The following CDH11 variants were observed in gnomAD, a reference collection of about 807,000 sequenced individuals.
CDH11 encodes the protein cadherin-11.
CDH11 carries 11 observed loss-of-function variants against 67.8 expected under a neutral mutation model. The observed-to-expected ratio is 0.16, with a 90% confidence interval of 0.10 to 0.27. The LOEUF is 0.27. Ranked by LOEUF, CDH11 falls within the 10% of genes least tolerant of loss-of-function variation. The pLI, the probability that CDH11 is intolerant of heterozygous loss-of-function variation, is 1.00. For synonymous variants in CDH11, 419 were observed against 400.0 expected (o/e 1.05, Z -0.57); for missense variants, 847 against 1,031.2 (o/e 0.82, Z 2.45).
intron 4 of CDH11, among the ~76,000 whole-genome samples, chr16:64,998,196 T>A (rs2072823946): frequency 6.6e-6 from 1 of 152,202 alleles, no homozygotes; most frequent in Admixed American, 6.5e-5. Flanking sequence ...GGGTTTCCTA[T>A]CTGTGAAATA....
chr16:64,990,704 G>T (rs1457843858), intron 6 of CDH11, among the ~76,000 whole-genome samples: 3 of 152,128 alleles, frequency 2.0e-5, no homozygotes. Flanking sequence ...GATGGTAGTT[G>T]CTATAATTAC....
intron 1 of CDH11, among the ~76,000 whole-genome samples, chr16:65,075,169 T>C (rs2074487893): frequency 6.6e-6 from 1 of 152,268 alleles, no homozygotes. Flanking sequence ...TAGACTTGGA[T>C]AGGGAAAAAT....
chr16:65,092,609 C>T (rs1418916937), intron 1 of CDH11, among the ~76,000 whole-genome samples: 3 of 152,170 alleles, frequency 2.0e-5, no homozygotes, highest in Non-Finnish European at 4.4e-5. Flanking sequence ...AACATGGCCA[C>T]AGCCAAGTGG....
intron 1 of CDH11, among the ~76,000 whole-genome samples, chr16:65,099,790 C>T (rs1345067538): frequency 1.3e-5 from 2 of 152,080 alleles, no homozygotes; most frequent in African/African-American, 2.4e-5. Flanking sequence ...CATAACTTGT[C>T]CTCATGGCAA....
chr16:65,010,992 CACATATGT>C (rs531734723), intron 2 of CDH11, among the ~76,000 whole-genome samples: 2 of 117,712 alleles, frequency 1.7e-5, no homozygotes, highest in African/African-American at 7.4e-5. Flanking sequence ...TATATACACA[CACATATGT>C]ATATGTATAT....
chr16:65,107,560 A>G (rs1360011158), intron 1 of CDH11, among the ~76,000 whole-genome samples: 1 of 152,204 alleles, frequency 6.6e-6, no homozygotes, highest in Non-Finnish European at 1.5e-5. Flanking sequence ...ATCATTTAAT[A>G]AAGCATGCTT....
At chr16:65,115,707 C>CAAAAAAAAAA (rs750108148) in intron 1 of CDH11, among the ~76,000 whole-genome samples, 3 of 60,154 alleles carry the variant, frequency 5.0e-5, no homozygotes, top group African/African-American at 1.9e-4. Flanking sequence ...AAGGCTACAC[C>CAAAAAAAAAA]AAAAAAAAAA....
intron 1 of CDH11, among the ~76,000 whole-genome samples, chr16:65,058,320 T>C (rs1035125379): frequency 8.5e-5 from 13 of 152,256 alleles, no homozygotes; most frequent in Admixed American, 5.9e-4. Flanking sequence ...TATAATTAAA[T>C]GTTTACATGT....
Position 64,988,173 on chromosome 16 carries a change from A to T in CDH11, c.983T>A (p.Val328Glu). The T allele has an allele frequency of 6.2e-7, 1 of 1,607,036 alleles. No homozygotes were observed. Among genetic ancestry groups the T allele is most frequent in the Non-Finnish European group, 8.5e-7 (1 of 1,176,778 alleles). Residue 328 changes from valine (V) to glutamate (E), a missense_variant, in exon 7 of 13, where the codon GTG becomes GAG. This residue lies in a region of CDH11 where 612 missense variants were observed against 678.7 expected (regional missense o/e 0.90). Transcript: ENST00000268603. ...CTAACTCACCTTTTTCAGCTTTATC[A>T]CCCCCTCCTGTGTTTCATAGTCCGT... ...ITTDYETQEG[V>E]IKLKKPVDFE... is the part of the protein sequence containing the mutation.
chr16:64,998,032 A>C (rs35191), intron 4 of CDH11, among the ~76,000 whole-genome samples: 40,037 of 152,186 alleles, frequency 0.26, 6,035 homozygotes, highest in Middle Eastern at 0.36. Context: ...CCTTTAAAAA[A>C]TTATCCTTTA....
chr16:65,021,934 A>C lies in CDH11; in HGVS notation c.-172-16893T>G, dbSNP rs545657200. On this transcript the variant is annotated intron_variant, in intron 2 of 12. Coordinates refer to ENST00000268603, the MANE Select transcript of CDH11 (RefSeq NM_001797.4). ...GCAGGAAATCAAAAGCTGTCCATGG[A>C]GGGGTAAAGTTTAAGTAAATGGCAA... 3.3e-3 allele frequency among the ~76,000 whole-genome samples: 494 copies of C among 150,946 alleles called. 2 individuals are homozygous for C. Among genetic ancestry groups the C allele is most frequent in the African/African-American group, 0.012 (480 of 41,326 alleles).
At chr16:64,995,974 T>A (rs1263526293) in intron 4 of CDH11, among the ~76,000 whole-genome samples, 1 of 152,072 alleles carries the variant, frequency 6.6e-6, no homozygotes, top group Non-Finnish European at 1.5e-5. Flanking sequence ...TGCAAATGGC[T>A]TACAAATATA....
chr16:65,030,836 T>G (rs2073628505), intron 2 of CDH11, among the ~76,000 whole-genome samples: 1 of 152,136 alleles, frequency 6.6e-6, no homozygotes, highest in Non-Finnish European at 1.5e-5. Flanking sequence ...ATGCTGGAAT[T>G]AGAGGTGTGA....
At chr16:65,062,230 C>T (rs976476757) in intron 1 of CDH11, among the ~76,000 whole-genome samples, 2 of 152,166 alleles carry the variant, frequency 1.3e-5, no homozygotes, top group African/African-American at 4.8e-5. Flanking sequence ...AGACCTTTAA[C>T]CAGACACAAG....
At position 65,119,789 on chromosome 16, in the gene CDH11, G is replaced by A. The variant is rs544518589; in HGVS notation, c.-298+2091C>T. On this transcript the variant is annotated intron_variant, in intron 1 of 12. Coordinates refer to ENST00000268603, the MANE Select transcript of CDH11 (RefSeq NM_001797.4). ...GTGCATGCCTGCAAGACATTTTAAT[G>A]TCTTAATTTACAATGTTTCAAAAGT... Among the ~76,000 whole-genome samples the A allele has an allele frequency of 1.9e-3, 287 of 152,296 alleles. 3 individuals carry two copies. Among genetic ancestry groups the A allele is most frequent in the Admixed American group, 0.017 (256 of 15,296 alleles).
At chr16:65,028,476 T>G (rs1202318064) in intron 2 of CDH11, among the ~76,000 whole-genome samples, 1 of 152,076 alleles carries the variant, frequency 6.6e-6, no homozygotes, top group East Asian at 1.9e-4. Flanking sequence ...TTAGAGTTGT[T>G]CTATCTATAC....
chr16:64,980,628 G>T (rs78212166), intron 8 of CDH11, among the ~76,000 whole-genome samples: 2 of 152,170 alleles, frequency 1.3e-5, no homozygotes, highest in African/African-American at 2.4e-5. Flanking sequence ...TGGAGGTAGA[G>T]GGGTGCAAAG....
intron 6 of CDH11, among the ~76,000 whole-genome samples, 172 bp from the exon 7 acceptor site, chr16:64,988,516 T>C (rs919006666): frequency 1.2e-4 from 19 of 152,158 alleles, no homozygotes; most frequent in African/African-American, 4.1e-4. Context: ...CATGGCCTGC[T>C]TGTCAAAAGA....
intron 1 of CDH11, among the ~76,000 whole-genome samples, chr16:65,108,395 A>G (rs2075101712): frequency 1.3e-5 from 2 of 152,184 alleles, no homozygotes; most frequent in African/African-American, 4.8e-5. Context: ...ACTAAATTGC[A>G]ATTTTTACTC....
Sources: gnomAD v4.1 joint callset for allele counts (sites outside exome capture counted in the v4.1 genomes callset) on GRCh38, gnomAD v4.1.1 for gene constraint, gnomAD v4.1.1 regional missense constraint, MANE v1.5 for transcripts, NCBI Gene and HGNC (gene_info 2026-07-23, HGNC 2026-07-21) for gene names.